DAAM2: variants seen among roughly 807,000 people sequenced by gnomAD.
The protein encoded by DAAM2 is disheveled-associated activator of morphogenesis 2.
A neutral mutation model predicts 120.7 loss-of-function variants in DAAM2; 39 were observed. The observed-to-expected ratio is 0.32, with a 90% CI of 0.25 to 0.42. The LOEUF (loss-of-function observed/expected upper bound fraction) is 0.42. Among genes scored for constraint, DAAM2 ranks in the 10% least tolerant of loss-of-function variants. The pLI is 1.00. For synonymous variants in DAAM2, 488 were observed against 524.9 expected (o/e 0.93, Z 0.96); for missense variants, 1,283 against 1,401.7 (o/e 0.92, Z 1.35).
At chr6:39,842,725 C>T (rs552240417) in intron 1 of DAAM2, among the ~76,000 whole-genome samples, 14 of 151,976 alleles carry the variant, frequency 9.2e-5, no homozygotes, top group South Asian at 4.2e-4. Flanking sequence ...CTATAAACAG[C>T]AGACAAAAAG....
chr6:39,831,776 AC>A, intron 1 of DAAM2, among the ~76,000 whole-genome samples: 1 of 73,192 alleles, frequency 1.4e-5, no homozygotes, highest in African/African-American at 6.3e-5. Context: ...AGGCAGGTGT[AC>A]TGAGGGGGCA....
chr6:39,805,297 T>A (rs4714272), intron 1 of DAAM2, among the ~76,000 whole-genome samples: 59,985 of 151,836 alleles, frequency 0.4, 12,755 homozygotes, highest in Non-Finnish European at 0.48. Context: ...TGAGCCTCAG[T>A]TTCCTCATCT....
At position 39,878,235 on chromosome 6, in the gene DAAM2, G is replaced by A. The variant is rs1764951791; in HGVS notation, c.1334G>A (p.Arg445Gln). Residue 445 changes from arginine (R) to glutamine (Q), a missense_variant, in exon 12 of 25, where the codon CGA becomes CAA. Around this residue, in one of 3 missense-constraint regions of DAAM2, gnomAD observed 338 missense variants for 443.9 expected, o/e 0.76. Transcript: ENST00000274867. The surrounding 1 kb of genome is among the most constrained non-coding windows in gnomAD (Gnocchi z 5.0). ...AACGAGAATGAAGTGAAACAGTGGC[G>A]AGACCAGGCAGAGAAGTTCCGGAAA... ...LINENEVKQW[R>Q]DQAEKFRKEH... 1.9e-6 allele frequency: 3 copies of A among 1,613,898 alleles called. No homozygotes were observed. Among genetic ancestry groups the A allele is most frequent in the Non-Finnish European group, 2.5e-6 (3 of 1,179,902 alleles).
At chr6:39,883,891 A>G in intron 14 of DAAM2, 71 bp from the exon 15 acceptor site, 1 of 955,484 alleles carries the variant, frequency 1.0e-6, no homozygotes, top group Non-Finnish European at 1.7e-6. Flanking sequence ...AAGTGGGGTT[A>G]GGGAGGCATG....
At chr6:39,807,996 A>G (rs1490810592) in intron 1 of DAAM2, among the ~76,000 whole-genome samples, 1 of 152,002 alleles carries the variant, frequency 6.6e-6, no homozygotes, top group African/African-American at 2.4e-5. Flanking sequence ...GGAAAATTTC[A>G]GGTAGATGTG....
chr6:39,837,868 A>C (rs975977542), intron 1 of DAAM2, among the ~76,000 whole-genome samples: 3 of 152,144 alleles, frequency 2.0e-5, no homozygotes, highest in Admixed American at 6.5e-5. Flanking sequence ...TATTCAAGCC[A>C]GCTAGTTAGT....
At chr6:39,883,739 A>C (rs1049535115) in intron 14 of DAAM2, 23 of 509,986 alleles carry the variant, frequency 4.5e-5, no homozygotes, top group African/African-American at 3.2e-4. Flanking sequence ...ATGTGGCTCC[A>C]TGCACAAGGG....
chr6:39,863,564 G>A (rs986895059), intron 3 of DAAM2, among the ~76,000 whole-genome samples: 4 of 152,154 alleles, frequency 2.6e-5, no homozygotes, highest in Non-Finnish European at 5.9e-5. Context: ...GCAGGAGAGT[G>A]GAGAAAGCAG....
chr6:39,833,250 TTTCTC>T (rs560751784), intron 1 of DAAM2, among the ~76,000 whole-genome samples: 12 of 152,122 alleles, frequency 7.9e-5, no homozygotes, highest in Non-Finnish European at 1.8e-4. Flanking sequence ...TTTCTTTTCT[TTTCTC>T]TTTTCCTTTC....
rs190183096 is a variant in DAAM2, at chr6:39,898,183, A to T, written c.2619-694A>T. 1.3e-3 allele frequency among the ~76,000 whole-genome samples: 195 copies of T among 152,362 alleles called. 3 individuals carry two copies. The highest frequency in any genetic ancestry group is 4.4e-3 in the African/African-American group (184 of 41,582). ...AACCCCATGAGGAATTCTGGGAAAC[A>T]GTGTGGAATAGTTACTTCAGTTTTC... is the stretch of plus-strand genomic sequence containing the variant. On this transcript the variant is annotated intron_variant, in intron 21 of 24. Coordinates refer to ENST00000274867, the MANE Select transcript of DAAM2 (RefSeq NM_001201427.2).
intron 22 of DAAM2, chr6:39,899,746 CA>C: frequency 4.8e-6 from 1 of 210,282 alleles, no homozygotes; most frequent in Non-Finnish European, 9.7e-6. Context: ...GTGCATGAGT[CA>C]CCTGGAGTCT....
At chr6:39,835,074 C>T (rs1339918197) in intron 1 of DAAM2, among the ~76,000 whole-genome samples, 2 of 152,226 alleles carry the variant, frequency 1.3e-5, no homozygotes, top group African/African-American at 4.8e-5. Flanking sequence ...ATGTGCATGA[C>T]TCTCCCACTG....
At chr6:39,882,243 C>A (rs193185478) in intron 14 of DAAM2, 1 of 152,086 alleles carries the variant, frequency 6.6e-6, no homozygotes, top group Non-Finnish European at 1.5e-5. Flanking sequence ...ACAGACTTAC[C>A]GCTCTCTGGC....
At chr6:39,898,269 AG>A (rs1766242470) in intron 21 of DAAM2, among the ~76,000 whole-genome samples, 1 of 152,188 alleles carries the variant, frequency 6.6e-6, no homozygotes, top group Non-Finnish European at 1.5e-5. Context: ...TAATTGGCTG[AG>A]GGGCTCTGCA....
At chr6:39,802,918 A>T (rs1761909694) in intron 1 of DAAM2, among the ~76,000 whole-genome samples, 1 of 151,982 alleles carries the variant, frequency 6.6e-6, no homozygotes, top group African/African-American at 2.4e-5. Context: ...AGCACCATAG[A>T]TTAGTTTTGC....
chr6:39,805,930 A>G, intron 1 of DAAM2, among the ~76,000 whole-genome samples: 1 of 152,246 alleles, frequency 6.6e-6, no homozygotes. Context: ...CTTAAAGCTC[A>G]GAGAAAATTC....
intron 19 of DAAM2, among the ~76,000 whole-genome samples, chr6:39,892,378 T>A (rs1765784355): frequency 6.6e-6 from 1 of 152,200 alleles, no homozygotes; most frequent in African/African-American, 2.4e-5. Context: ...AGTAGGGCTG[T>A]GTTAATGTCC....
chr6:39,793,633 G>C (rs1237309639), intron 1 of DAAM2, among the ~76,000 whole-genome samples: 19 of 152,144 alleles, frequency 1.2e-4, no homozygotes, highest in Non-Finnish European at 2.9e-5. Context: ...TTCTGAGTTT[G>C]GTGTTAGTTT....
At chr6:39,849,368 T>C (rs1763720214) in intron 1 of DAAM2, among the ~76,000 whole-genome samples, 1 of 152,208 alleles carries the variant, frequency 6.6e-6, no homozygotes, top group African/African-American at 2.4e-5. Context: ...AAACTCTCTG[T>C]AATACCGTCA....
Sources: gnomAD v4.1 joint callset for allele counts (sites outside exome capture counted in the v4.1 genomes callset) on GRCh38, gnomAD v4.1.1 for gene constraint, gnomAD v4.1.1 regional missense constraint, Gnocchi (gnomAD v3.1) non-coding constraint, MANE v1.5 for transcripts, NCBI Gene and HGNC (gene_info 2026-07-23, HGNC 2026-07-21) for gene names.